The following FSTL4 variants were observed in gnomAD, a reference collection of about 807,000 sequenced individuals.
FSTL4 encodes follistatin-related protein 4.
In FSTL4, 28 loss-of-function variants were observed where a neutral mutation model predicts 78.2. The observed-to-expected ratio is 0.36, with a 90% CI of 0.27 to 0.49. The LOEUF (loss-of-function observed/expected upper bound fraction) is 0.49. FSTL4 is among the 20% of genes least tolerant of loss of function. The pLI, the probability that FSTL4 is intolerant of heterozygous loss-of-function variation, is 0.98. For synonymous variants in FSTL4, 422 were observed against 440.5 expected (o/e 0.96, Z 0.53); for missense variants, 922 against 1,084.9 (o/e 0.85, Z 2.11).
intron 4 of FSTL4, among the ~76,000 whole-genome samples, chr5:133,366,398 C>A (rs1755181864): frequency 6.6e-6 from 1 of 152,150 alleles, no homozygotes. Context: ...TGTCTCTATT[C>A]AAATGTGAGC....
intron 3 of FSTL4, among the ~76,000 whole-genome samples, chr5:133,557,850 G>C (rs1759821810): frequency 6.6e-6 from 1 of 152,146 alleles, no homozygotes; most frequent in Non-Finnish European, 1.5e-5. Flanking sequence ...GTTGGGTTGG[G>C]GTTTGTTATT....
the FSTL4 span, among the ~76,000 whole-genome samples, chr5:133,713,986 G>A: frequency 6.6e-6 from 1 of 152,094 alleles, no homozygotes; most frequent in African/African-American, 2.4e-5. Flanking sequence ...CTGCAGCCAG[G>A]GTTTTTCTCA....
At chr5:133,332,889 TG>T (rs1754379974) in intron 4 of FSTL4, among the ~76,000 whole-genome samples, 1 of 152,182 alleles carries the variant, frequency 6.6e-6, no homozygotes, top group South Asian at 2.1e-4. Flanking sequence ...TTCACAAGGC[TG>T]GGGTGAGAAA....
At chr5:133,707,876 A>G in the FSTL4 span, among the ~76,000 whole-genome samples, 1 of 151,956 alleles carries the variant, frequency 6.6e-6, no homozygotes, top group Non-Finnish European at 1.5e-5. Context: ...TCCAGGCTTC[A>G]GGTGTTGCTT....
intron 3 of FSTL4, among the ~76,000 whole-genome samples, chr5:133,508,001 C>T (rs572419327): frequency 7.9e-5 from 12 of 152,042 alleles, no homozygotes; most frequent in African/African-American, 2.7e-4. Context: ...GGTATTTTGC[C>T]GGATGTCATC....
chr5:133,666,162 A>G, the FSTL4 span, among the ~76,000 whole-genome samples: 2 of 152,336 alleles, frequency 1.3e-5, no homozygotes, highest in East Asian at 3.9e-4. Context: ...GAACCTGCCA[A>G]GCTGCTCAGA....
chr5:133,345,026 T>G (rs1057010896), intron 4 of FSTL4, among the ~76,000 whole-genome samples: 1 of 149,920 alleles, frequency 6.7e-6, no homozygotes, highest in African/African-American at 2.5e-5. Context: ...TGGAGTGCAG[T>G]GGAACGATCT....
the FSTL4 span, among the ~76,000 whole-genome samples, chr5:133,673,356 C>A: frequency 1.3e-5 from 2 of 152,272 alleles, no homozygotes; most frequent in East Asian, 3.9e-4. Flanking sequence ...GCAGAGCAGC[C>A]CCAGCCTGGA....
intron 4 of FSTL4, among the ~76,000 whole-genome samples, chr5:133,391,976 C>G (rs559677063): frequency 6.8e-4 from 103 of 152,258 alleles, no homozygotes; most frequent in Non-Finnish European, 1.1e-3. Flanking sequence ...CTGCTGTGTC[C>G]CCACATCTCC....
chr5:133,452,375 A>G (rs888254901), intron 3 of FSTL4, among the ~76,000 whole-genome samples: 2 of 152,262 alleles, frequency 1.3e-5, no homozygotes, highest in Admixed American at 1.3e-4. Context: ...TTCACTGAGC[A>G]ATGAGAGGAA....
the FSTL4 span, among the ~76,000 whole-genome samples, chr5:133,817,239 T>C: frequency 6.6e-6 from 1 of 152,232 alleles, no homozygotes; most frequent in African/African-American, 2.4e-5. Context: ...GAGGCTCAGG[T>C]CACACTGCAA....
At chr5:133,210,341 G>T (rs777482293) in intron 13 of FSTL4, 43 bp from the exon 14 acceptor site, 6 of 1,157,894 alleles carry the variant, frequency 5.2e-6, no homozygotes, top group Non-Finnish European at 7.8e-6. Flanking sequence ...TGACATGATG[G>T]TCATTTCTGG....
intron 6 of FSTL4, among the ~76,000 whole-genome samples, chr5:133,290,987 A>G (rs2126868556): frequency 6.6e-6 from 1 of 152,322 alleles, no homozygotes; most frequent in East Asian, 1.9e-4. Context: ...CCAGCCCCTC[A>G]GTCTCCCTAG....
chr5:133,375,294 A>ATATATATATGTG (rs1325958815), intron 4 of FSTL4, among the ~76,000 whole-genome samples: 2 of 125,854 alleles, frequency 1.6e-5, no homozygotes, highest in South Asian at 2.6e-4. Flanking sequence ...TGCATGGCAT[A>ATATATATATGTG]TATATATATA....
intron 8 of FSTL4, among the ~76,000 whole-genome samples, chr5:133,227,645 CT>C (rs1310075310): frequency 6.6e-5 from 10 of 152,106 alleles, no homozygotes; most frequent in African/African-American, 1.9e-4. Flanking sequence ...TACTAGATCA[CT>C]GTCTATTTCT....
rs912034731 is a variant in FSTL4 at position 133,442,510 on chromosome 5, GA to G, written c.161-41525del. ...TTATCTACTATTCATCAAGGTTAAG[GA>G]AAAAAAAAAATCCTCATCCGTTTTT... On this transcript the variant is annotated intron_variant, in intron 3 of 15. Transcript: ENST00000265342. Among the ~76,000 whole-genome samples the G allele has an allele frequency of 1.6e-3, 236 of 145,324 alleles. 1 individual carries two copies. Among genetic ancestry groups the G allele is most frequent in the African/African-American group, 3.7e-3 (147 of 39,818 alleles).
At chr5:133,240,054 T>A (rs1000946437) in intron 7 of FSTL4, among the ~76,000 whole-genome samples, 1 of 152,228 alleles carries the variant, frequency 6.6e-6, no homozygotes, top group Non-Finnish European at 1.5e-5. Flanking sequence ...CAATAAATGC[T>A]GCTGCTCACT....
At chr5:133,805,003 G>C in the FSTL4 span, among the ~76,000 whole-genome samples, 1 of 149,596 alleles carries the variant, frequency 6.7e-6, no homozygotes, top group Admixed American at 6.7e-5. Context: ...AGCCCCTCAG[G>C]CAACCTTCTC....
chr5:133,308,349 C>A (rs1044505822), intron 6 of FSTL4, among the ~76,000 whole-genome samples: 1 of 152,144 alleles, frequency 6.6e-6, no homozygotes, highest in African/African-American at 2.4e-5. Flanking sequence ...TTTGATGAAC[C>A]CCATGCTATT....
Sources: gnomAD v4.1 joint callset for allele counts (sites outside exome capture counted in the v4.1 genomes callset) on GRCh38, gnomAD v4.1.1 for gene constraint, MANE v1.5 for transcripts, NCBI Gene and HGNC (gene_info 2026-07-23, HGNC 2026-07-21) for gene names.